Variants in DOCK6 observed in about 807,000 individuals in gnomAD.
DOCK6 encodes the protein dedicator of cytokinesis 6.
A neutral mutation model predicts 230.3 loss-of-function variants in DOCK6; 167 were observed. The ratio of observed to expected loss-of-function variants is 0.73; its 90% CI spans 0.64 to 0.82. The LOEUF is 0.82. Among genes scored for constraint, DOCK6 ranks in the 40% least tolerant of loss-of-function variants. The probability of loss-of-function intolerance (pLI) is 0.00; values close to 1 mark genes in which losing one functional copy is unlikely to be tolerated. For missense variants in DOCK6, 2,598 were observed against 2,825.8 expected, an observed-to-expected ratio of 0.92 and a Z score of 1.83; for synonymous variants, 1,148 against 1,185.0, an observed-to-expected ratio of 0.97 and a Z score of 0.64.
At chr19:11,207,228 CTG>C in intron 39 of DOCK6, among the ~76,000 whole-genome samples, 1 of 152,130 alleles carries the variant, frequency 6.6e-6, no homozygotes, top group Non-Finnish European at 1.5e-5. Context: ...AGGTTTCACT[CTG>C]TCACATAGGT....
intron 22 of DOCK6, among the ~76,000 whole-genome samples, chr19:11,232,658 G>A (rs1171491987): frequency 6.6e-6 from 1 of 151,998 alleles, no homozygotes; most frequent in South Asian, 2.1e-4. Flanking sequence ...ATACGCACCC[G>A]TGTCTGTATA....
At chr19:11,252,296 G>A in intron 4 of DOCK6, 48 bp from the exon 5 acceptor site, 1 of 1,567,664 alleles carries the variant, frequency 6.4e-7, no homozygotes, top group African/African-American at 1.4e-5. Context: ...AGGGCCCCCA[G>A]GGGGTCCCCA....
intron 24 of DOCK6, among the ~76,000 whole-genome samples, chr19:11,226,864 C>T (rs2147796993): frequency 6.6e-6 from 1 of 152,298 alleles, no homozygotes; most frequent in South Asian, 2.1e-4. Context: ...TGAGCACTTG[C>T]TGTATACTCT....
chr19:11,261,269 T>C (rs1016159815), intron 1 of DOCK6, among the ~76,000 whole-genome samples: 6 of 151,894 alleles, frequency 4.0e-5, no homozygotes, highest in Non-Finnish European at 8.8e-5. Context: ...CTCTCTCATC[T>C]CCTTGAGGTT....
Position 11,200,767 on chromosome 19 carries a change from A to G in DOCK6, c.5888T>C (p.Leu1963Pro), listed in dbSNP as rs759656971. ...FLAEIPEDPK[L>P]FRHHNKLRLC... The stretch of plus-strand genomic sequence containing the variant: ...CCGCAATTTGTTGTGATGCCGGAAG[A>G]GCTTGGGGTCTTCCGGGATCTCTGC... The change falls in exon 46 of 48, where the codon CTC becomes CCC. Residue 1963 changes from leucine to proline, a missense_variant. Physicochemically the swap from Leu to Pro is moderately conservative, Grantham distance 98. Transcript: ENST00000294618. The surrounding 1 kb of genome is among the most constrained non-coding windows in gnomAD (Gnocchi z 4.3). 9.9e-6 allele frequency: 16 copies of G among 1,613,506 alleles called. No homozygotes were observed. The highest frequency in any genetic ancestry group is 1.2e-5 in the Non-Finnish European group (14 of 1,179,630).
intron 14 of DOCK6, chr19:11,239,710 G>T: frequency 6.2e-7 from 1 of 1,613,630 alleles, no homozygotes; most frequent in East Asian, 2.2e-5. Context: ...GGCCCCCATG[G>T]GCGGCCCAGA....
intron 1 of DOCK6, among the ~76,000 whole-genome samples, chr19:11,255,724 T>G (rs567267584): frequency 6.6e-6 from 1 of 152,304 alleles, no homozygotes; most frequent in East Asian, 1.9e-4. Flanking sequence ...ATAGACAAGC[T>G]GATTGCCTGG....
In DOCK6 at chr19:11,248,024, T is replaced by C. The variant is rs4804579; in HGVS notation, c.806+42A>G. The C allele has an allele frequency of 0.19, 290,135 of 1,556,296 alleles. 28,993 individuals are homozygous for C. The highest frequency in any genetic ancestry group is 0.34 in the African/African-American group (25,003 of 74,110). On this transcript the variant is annotated intron_variant, in intron 7 of 47. Coordinates refer to ENST00000294618, the MANE Select transcript of DOCK6 (RefSeq NM_020812.4). ...TGTACCCCGCCGGAACCCATGTGGT[T>C]GCTTCACGCATCTAAGAAGAGAGAC... is the stretch of plus-strand genomic sequence containing the variant.
chr19:11,219,787 CAA>C (rs758051266), intron 28 of DOCK6, among the ~76,000 whole-genome samples: 13 of 98,242 alleles, frequency 1.3e-4, no homozygotes, highest in Non-Finnish European at 1.3e-4. Flanking sequence ...GACTCTGTCT[CAA>C]AAAAAAAAAA....
chr19:11,230,624 G>A (rs1337741057), intron 22 of DOCK6, among the ~76,000 whole-genome samples: 1 of 152,082 alleles, frequency 6.6e-6, no homozygotes, highest in Non-Finnish European at 1.5e-5. Context: ...AGAGGAGGAT[G>A]CAGAGGTGGA....
intron 6 of DOCK6, among the ~76,000 whole-genome samples, chr19:11,249,518 A>T (rs1214895751): frequency 2.0e-5 from 3 of 151,338 alleles, no homozygotes; most frequent in African/African-American, 2.4e-5. Flanking sequence ...TCAAAAAAAA[A>T]AATTTATTTT....
In DOCK6 at chr19:11,234,947, A is replaced by AT. The variant is rs1015104607; in HGVS notation, c.2554+650dup. 8.4e-3 allele frequency among the ~76,000 whole-genome samples: 1,205 copies of AT among 143,898 alleles called. 10 individuals are homozygous for AT. Among genetic ancestry groups the AT allele is most frequent in the African/African-American group, 0.022 (877 of 39,444 alleles). 94.4% of individuals were successfully genotyped at this position (143,898 alleles called of 152,430 possible). A position where few individuals can be genotyped will look rare whatever the true frequency, so the allele number is the denominator to read the frequency against. On this transcript the variant is annotated intron_variant, in intron 21 of 47. Coordinates refer to ENST00000294618, the MANE Select transcript of DOCK6 (RefSeq NM_020812.4). ...CTCTTCTCCCAGATCTTTCTTTCTT[A>AT]TTTTTTTTTTTTTGAAACAGGGTCT...
chr19:11,205,237 G>A (rs933542498), intron 39 of DOCK6, among the ~76,000 whole-genome samples: 8 of 152,092 alleles, frequency 5.3e-5, no homozygotes, highest in African/African-American at 1.9e-4. Flanking sequence ...TAATACTTTG[G>A]GGTACATGCG....
At chr19:11,241,387 G>T in intron 14 of DOCK6, 2 of 1,121,624 alleles carry the variant, frequency 1.8e-6, no homozygotes, top group South Asian at 1.3e-5. Context: ...GGGGCAGAGG[G>T]TCAGGGGATG....
At chr19:11,253,480 G>A (rs1459825243) in intron 2 of DOCK6, among the ~76,000 whole-genome samples, 159 bp downstream of exon 2, 3 of 152,130 alleles carry the variant, frequency 2.0e-5, no homozygotes, top group African/African-American at 7.2e-5. Context: ...ACTAGGACCA[G>A]GACAGGCACT....
At chr19:11,261,097 C>T (rs938007026) in intron 1 of DOCK6, among the ~76,000 whole-genome samples, 10 of 151,944 alleles carry the variant, frequency 6.6e-5, no homozygotes, top group African/African-American at 2.2e-4. Flanking sequence ...CTCCCCATGG[C>T]TCCCACCTCA....
In DOCK6 at chr19:11,200,160, CA is replaced by C. The variant is rs967826229; in HGVS notation, c.6101+147del. On this transcript the variant is annotated intron_variant, in intron 47 of 47. Transcript: ENST00000294618. The surrounding 1 kb of genome is among the most constrained non-coding windows in gnomAD (Gnocchi z 4.3). ...AGGGAGAGTCTCTCAAAAAAAAAAA[CA>C]AAAAAAAAACCGGAAACAAAACAAA... The C allele has an allele frequency of 6.3e-4, 394 of 620,666 alleles. No individual in the cohort carries two copies. The highest frequency in any genetic ancestry group is 7.7e-4 in the Non-Finnish European group (324 of 420,280). 38.4% of individuals were successfully genotyped at this position (620,666 alleles called of 1,614,324 possible). A position where few individuals can be genotyped will look rare whatever the true frequency, so the allele number is the denominator to read the frequency against.
At chr19:11,232,562 G>C (rs2079782582) in intron 22 of DOCK6, among the ~76,000 whole-genome samples, 1 of 152,186 alleles carries the variant, frequency 6.6e-6, no homozygotes, top group Admixed American at 6.5e-5. Flanking sequence ...TGCATCAGGT[G>C]AATGTGTATA....
rs779028688 is a variant in DOCK6, at chr19:11,200,376, C to T, written c.6033G>A (p.Arg2011=). Residue 2011 remains arginine, a synonymous_variant, in exon 47 of 48, where the codon CGG becomes CGA. Transcript: ENST00000294618. This position sits in a 1 kb window ranked among gnomAD's most constrained non-coding sequence, Gnocchi z 4.3. ...RELERNYCRL[R]EALQPLLTQR... ...GGGTAAGCAGGGGCTGCAGAGCCTCCCGCAGGCGGCAGTAGTTGCGCTCCA... is the reference window on the plus strand; with the variant it reads ...GGGTAAGCAGGGGCTGCAGAGCCTCTCGCAGGCGGCAGTAGTTGCGCTCCA... The T allele has an allele frequency of 3.1e-6, 5 of 1,597,708 alleles. No homozygotes were observed. The highest frequency in any genetic ancestry group is 4.3e-6 in the Non-Finnish European group (5 of 1,172,544).
Sources: allele counts gnomAD v4.1 joint callset (sites outside exome capture counted in the v4.1 genomes callset), GRCh38; gene constraint gnomAD v4.1.1; non-coding constraint Gnocchi (gnomAD v3.1); transcripts MANE v1.5; gene names NCBI Gene and HGNC (gene_info 2026-07-23, HGNC 2026-07-21).